MYZAP: variants seen among roughly 807,000 people sequenced by gnomAD.
MYZAP encodes myocardial zonula adherens protein, also known as GRINL1A complex locus upstream.
MYZAP carries 66 observed loss-of-function variants against 69.4 expected under a neutral mutation model. The ratio of observed to expected loss-of-function variants is 0.95; its 90% CI spans 0.78 to 1.17. The LOEUF (loss-of-function observed/expected upper bound fraction) is 1.17, where lower values mean the gene tolerates loss of function less well. Among genes scored for constraint, MYZAP ranks in the 50% most tolerant of loss-of-function variants. The pLI, the probability that MYZAP is intolerant of heterozygous loss-of-function variation, is 0.00. For synonymous variants in MYZAP, 256 were observed against 205.9 expected (o/e 1.24, Z -2.09); for missense variants, 611 against 556.2 (o/e 1.10, Z -0.99).
At chr15:57,634,876 G>A (rs1185556401) in intron 8 of MYZAP, among the ~76,000 whole-genome samples, 1 of 152,222 alleles carries the variant, frequency 6.6e-6, no homozygotes, top group Non-Finnish European at 1.5e-5. Context: ...ATTGACCAGA[G>A]GGGGTGGTGG....
intron 10 of MYZAP, chr15:57,647,169 A>G (rs1595906837): frequency 1.0e-6 from 1 of 985,380 alleles, no homozygotes; most frequent in Non-Finnish European, 1.2e-6. Context: ...CTTTGCTTTC[A>G]TTTAGATGCT....
intron 6 of MYZAP, 148 bp from the exon 7 acceptor site, chr15:57,632,286 C>T: frequency 1.5e-6 from 2 of 1,318,248 alleles, no homozygotes; most frequent in Non-Finnish European, 2.1e-6. Flanking sequence ...CCTCCCTTTC[C>T]CTGTTAGGTC....
At chr15:57,656,275 T>A (rs1369150541) in intron 10 of MYZAP, among the ~76,000 whole-genome samples, 1 of 152,198 alleles carries the variant, frequency 6.6e-6, no homozygotes, top group Non-Finnish European at 1.5e-5. Flanking sequence ...TGTTTAGGAA[T>A]GGCTGGATGG....
intron 2 of MYZAP, among the ~76,000 whole-genome samples, chr15:57,612,297 G>C (rs2035154529): frequency 6.6e-6 from 1 of 152,190 alleles, no homozygotes; most frequent in South Asian, 2.1e-4. Context: ...CAGGATGTGT[G>C]ACCAGCTGCC....
chr15:57,632,012 C>T (rs1482998294), intron 6 of MYZAP, among the ~76,000 whole-genome samples: 7 of 152,164 alleles, frequency 4.6e-5, no homozygotes, highest in African/African-American at 1.7e-4. Context: ...TTAGTGTTCC[C>T]CATGCTAGGT....
chr15:57,612,046 C>T (rs1293151027), intron 2 of MYZAP, among the ~76,000 whole-genome samples: 10 of 152,136 alleles, frequency 6.6e-5, no homozygotes, highest in Non-Finnish European at 1.3e-4. Context: ...ATGACCTGGG[C>T]CAAATAATTT....
intron 10 of MYZAP, chr15:57,648,349 C>G (rs1393423011): frequency 1.0e-6 from 1 of 985,232 alleles, no homozygotes; most frequent in Non-Finnish European, 1.2e-6. Context: ...TGAAATTGTT[C>G]TAATTGACTT....
At chr15:57,621,206 T>C (rs2035786962) in intron 3 of MYZAP, among the ~76,000 whole-genome samples, 1 of 45,578 alleles carries the variant, frequency 2.2e-5, no homozygotes, top group Admixed American at 2.3e-4. Context: ...TTTCTTTTTC[T>C]TTTTTTTTTT....
intron 2 of MYZAP, among the ~76,000 whole-genome samples, chr15:57,612,683 T>C (rs1222009274): frequency 6.6e-6 from 1 of 152,158 alleles, no homozygotes; most frequent in Non-Finnish European, 1.5e-5. Context: ...GTAAATCCCT[T>C]AGGAGAGGAA....
At chr15:57,641,198 T>G (rs923033778) in intron 10 of MYZAP, among the ~76,000 whole-genome samples, 3 of 152,212 alleles carry the variant, frequency 2.0e-5, no homozygotes. Flanking sequence ...GGTTGGCTTC[T>G]GATTCACTTA....
chr15:57,672,718 A>G (rs1459764659), intron 11 of MYZAP, among the ~76,000 whole-genome samples: 3 of 152,144 alleles, frequency 2.0e-5, no homozygotes, highest in Admixed American at 6.5e-5. Flanking sequence ...AATAACTTCT[A>G]CACACCTGTG....
At chr15:57,674,923 G>C in intron 11 of MYZAP, 45 bp from the exon 12 acceptor site, 2 of 1,524,044 alleles carry the variant, frequency 1.3e-6, no homozygotes, top group Non-Finnish European at 1.8e-6. Flanking sequence ...ATTTGAGGGG[G>C]AACATATTTG....
At chr15:57,636,635 A>G (rs530980443) in intron 8 of MYZAP, among the ~76,000 whole-genome samples, 9 of 152,218 alleles carry the variant, frequency 5.9e-5, no homozygotes, top group Non-Finnish European at 1.3e-4. Flanking sequence ...CATTTTAAGG[A>G]AATTTGTTAC....
intron 12 of MYZAP, among the ~76,000 whole-genome samples, chr15:57,678,526 A>G (rs1366617565): frequency 6.6e-6 from 1 of 152,106 alleles, no homozygotes; most frequent in African/African-American, 2.4e-5. Context: ...TGAGTATGCT[A>G]AGATGATTTC....
At chr15:57,639,416 GC>G in intron 9 of MYZAP, 23 bp from the exon 10 acceptor site, 1 of 1,612,966 alleles carries the variant, frequency 6.2e-7, no homozygotes, top group South Asian at 1.1e-5. Flanking sequence ...GGACTCATTT[GC>G]TTTTTTCTCC....
rs543421649 is a variant in MYZAP at position 57,649,775 on chromosome 15, T to C, written c.1119+10230T>C. On this transcript the variant is annotated intron_variant, in intron 10 of 12. Coordinates refer to ENST00000267853, the MANE Select transcript of MYZAP (RefSeq NM_001018100.5). ...GATAGTTTCTGTAATAGTTTTGCAG[T>C]TTGATTGTTCATCTTTAGGTCTTCA... Among the ~76,000 whole-genome samples the C allele has an allele frequency of 7.0e-4, 107 of 152,318 alleles. 2 individuals are homozygous for C. The highest frequency in any genetic ancestry group is 2.5e-3 in the African/African-American group (104 of 41,576).
At chr15:57,619,117 T>C (rs117076224) in intron 3 of MYZAP, among the ~76,000 whole-genome samples, 2,248 of 152,316 alleles carry the variant, frequency 0.015, 30 homozygotes, top group South Asian at 0.045. Flanking sequence ...AAACACAGCT[T>C]TGTGAGCCCC....
At chr15:57,611,875 G>A (rs2035127181) in intron 2 of MYZAP, among the ~76,000 whole-genome samples, 1 of 152,104 alleles carries the variant, frequency 6.6e-6, no homozygotes, top group South Asian at 2.1e-4. Flanking sequence ...AAGTAGCTGG[G>A]ACTACAGGCA....
At chr15:57,675,785 G>A (rs746117194) in intron 12 of MYZAP, among the ~76,000 whole-genome samples, 2 of 152,094 alleles carry the variant, frequency 1.3e-5, no homozygotes, top group African/African-American at 2.4e-5. Flanking sequence ...CACCATTCCC[G>A]GGTGCTCACA....
Sources: gnomAD v4.1 joint callset for allele counts (sites outside exome capture counted in the v4.1 genomes callset) on GRCh38, gnomAD v4.1.1 for gene constraint, MANE v1.5 for transcripts, NCBI Gene and HGNC (gene_info 2026-07-23, HGNC 2026-07-21) for gene names.